Variants in CEP85L observed in about 807,000 individuals in gnomAD.
The protein encoded by CEP85L is centrosomal protein of 85 kDa-like.
A neutral mutation model predicts 100.3 loss-of-function variants in CEP85L; 60 were observed. That is an observed-to-expected ratio of 0.60 (90% CI 0.49 to 0.74). The LOEUF is 0.74. CEP85L is among the 30% of genes least tolerant of loss of function. The pLI, the probability that CEP85L is intolerant of heterozygous loss-of-function variation, is 0.00. For synonymous variants in CEP85L, 319 were observed against 322.7 expected (o/e 0.99, Z 0.12); for missense variants, 973 against 936.2 (o/e 1.04, Z -0.51).
rs373507992 is a variant in CEP85L at position 118,523,954 on chromosome 6, A to G, written c.1021-34T>C. 2.0e-5 allele frequency: 17 copies of G among 868,244 alleles called. No individual in the cohort carries two copies. The African/African-American group carries it at 2.8e-4, about 14-fold the overall frequency. The allele number at this position is 868,244 out of a possible 1,614,324, so 53.8% of individuals were successfully genotyped here. Reference sequence around the variant, plus strand: ...ACATGTTTACACAATTAGTATACTAAAATATTTAAAGAAAATATTTATATA... The same window carrying G: ...ACATGTTTACACAATTAGTATACTAGAATATTTAAAGAAAATATTTATATA... On this transcript the variant is annotated intron_variant, in intron 3 of 12. Transcript: ENST00000368491.
At chr6:118,637,895 A>T (rs896021661) in intron 1 of CEP85L, among the ~76,000 whole-genome samples, 1 of 152,094 alleles carries the variant, frequency 6.6e-6, no homozygotes, top group Non-Finnish European at 1.5e-5. Context: ...AAACACAAAT[A>T]AAAAATTCTG....
chr6:118,583,380 G>A (rs1301025075), intron 2 of CEP85L, among the ~76,000 whole-genome samples: 1 of 152,130 alleles, frequency 6.6e-6, no homozygotes, highest in African/African-American at 2.4e-5. Context: ...GGTGTATCAC[G>A]AAAAACTCTA....
chr6:118,511,707 G>A (rs1437692261), intron 4 of CEP85L, among the ~76,000 whole-genome samples: 1 of 152,118 alleles, frequency 6.6e-6, no homozygotes, highest in Non-Finnish European at 1.5e-5. Flanking sequence ...AGTTTTGAAG[G>A]AGAGAGCTTT....
At chr6:118,515,093 G>A (rs768738141) in intron 4 of CEP85L, among the ~76,000 whole-genome samples, 3 of 151,860 alleles carry the variant, frequency 2.0e-5, no homozygotes, top group South Asian at 2.1e-4. Context: ...ACAGATGTGC[G>A]CCAACTTGCC....
chr6:118,523,663 G>A, intron 4 of CEP85L, 139 bp downstream of exon 4: 2 of 469,650 alleles, frequency 4.3e-6, no homozygotes, highest in Non-Finnish European at 7.4e-6. Flanking sequence ...GATTGGGATT[G>A]AGGAGGGGCA....
chr6:118,548,967 T>C (rs1340598039), intron 3 of CEP85L, among the ~76,000 whole-genome samples: 1 of 151,974 alleles, frequency 6.6e-6, no homozygotes, highest in African/African-American at 2.4e-5. Context: ...TGAGGATGTT[T>C]CCCCTCTAAA....
Position 118,498,980 on chromosome 6 carries a change from G to C in CEP85L, c.1258-7115C>G, listed in dbSNP as rs553732689. 4.6e-5 allele frequency among the ~76,000 whole-genome samples: 7 copies of C among 152,294 alleles called. No homozygotes were observed. In the South Asian group the frequency reaches 1.5e-3, roughly 32 times the overall value. The stretch of plus-strand genomic sequence containing the variant: ...CAGCTGGGAAATCCCAAAATACCTG[G>C]AGATTAAACAACACACTTCTACATA... On this transcript the variant is annotated intron_variant, in intron 5 of 12. Coordinates refer to ENST00000368491, the MANE Select transcript of CEP85L (RefSeq NM_001042475.3).
At chr6:118,501,694 G>C (rs577980481) in intron 5 of CEP85L, 8 of 673,542 alleles carry the variant, frequency 1.2e-5, no homozygotes, top group Non-Finnish European at 2.2e-5. Flanking sequence ...TTTTTAGCCA[G>C]GAAAAAATTC....
At chr6:118,548,693 T>TA (rs1486675729) in intron 3 of CEP85L, among the ~76,000 whole-genome samples, 1 of 152,076 alleles carries the variant, frequency 6.6e-6, no homozygotes, top group Non-Finnish European at 1.5e-5. Context: ...TTCTGCCAAT[T>TA]AAAAAATCTT....
At chr6:118,474,493 C>T (rs542948039) in intron 10 of CEP85L, among the ~76,000 whole-genome samples, 1 of 152,318 alleles carries the variant, frequency 6.6e-6, no homozygotes, top group East Asian at 1.9e-4. Flanking sequence ...TCTTCTACCT[C>T]AATCCCCTTA....
At position 118,534,806 on chromosome 6, in the gene CEP85L, G is replaced by A. The variant is rs533556018; in HGVS notation, c.1021-10886C>T. 6.6e-5 allele frequency among the ~76,000 whole-genome samples: 10 copies of A among 152,108 alleles called. No homozygotes were observed. In the South Asian group the frequency reaches 2.1e-3, roughly 32 times the overall value. On this transcript the variant is annotated intron_variant, in intron 3 of 12. Transcript: ENST00000368491. ...AGGCCTAGGCAAGTGGATCCCTTGA[G>A]GCCAGGAGTTTGAGACCAGCCTAGC... is the stretch of plus-strand genomic sequence containing the variant.
chr6:118,528,647 T>C (rs530082519), intron 3 of CEP85L, among the ~76,000 whole-genome samples: 23 of 152,332 alleles, frequency 1.5e-4, no homozygotes, highest in African/African-American at 5.5e-4. Flanking sequence ...TACCAAACGC[T>C]GTAGGTTGAC....
intron 1 of CEP85L, among the ~76,000 whole-genome samples, chr6:118,697,927 T>C (rs1845967250): frequency 6.6e-6 from 1 of 152,188 alleles, no homozygotes; most frequent in Non-Finnish European, 1.5e-5. Context: ...CTGAAGAAGT[T>C]ATAGCTTTGC....
intron 3 of CEP85L, among the ~76,000 whole-genome samples, chr6:118,544,157 T>C (rs567346227): frequency 6.6e-6 from 1 of 152,332 alleles, no homozygotes; most frequent in Admixed American, 6.5e-5. Flanking sequence ...GGAGAAATAC[T>C]ACAATCATTA....
chr6:118,638,465 G>C (rs1774655333), intron 1 of CEP85L, among the ~76,000 whole-genome samples: 1 of 151,556 alleles, frequency 6.6e-6, no homozygotes, highest in Admixed American at 6.6e-5. Flanking sequence ...AATACAGGAA[G>C]AAGTACATGT....
chr6:118,701,344 T>G (rs905880303), intron 1 of CEP85L, among the ~76,000 whole-genome samples: 1 of 152,170 alleles, frequency 6.6e-6, no homozygotes, highest in Admixed American at 6.5e-5. Flanking sequence ...CACAGCACTA[T>G]TCACAATAGC....
At chr6:118,507,168 C>T (rs1251172128) in intron 5 of CEP85L, among the ~76,000 whole-genome samples, 1 of 152,160 alleles carries the variant, frequency 6.6e-6, no homozygotes, top group Non-Finnish European at 1.5e-5. Flanking sequence ...CTATTTTTCT[C>T]CTCTAAACAG....
chr6:118,592,356 A>G (rs1480734607), intron 2 of CEP85L, among the ~76,000 whole-genome samples: 3 of 145,690 alleles, frequency 2.1e-5, no homozygotes, highest in Admixed American at 6.8e-5. Flanking sequence ...TTTGATCAGT[A>G]AAAAGGAGAT....
At chr6:118,509,290 C>G (rs1582941096) in intron 5 of CEP85L, among the ~76,000 whole-genome samples, 1 of 151,906 alleles carries the variant, frequency 6.6e-6, no homozygotes, top group Admixed American at 6.6e-5. Context: ...ATAATTAAAG[C>G]CTTTATTCCG....
Sources: allele counts gnomAD v4.1 joint callset (sites outside exome capture counted in the v4.1 genomes callset), GRCh38; gene constraint gnomAD v4.1.1; transcripts MANE v1.5; gene names NCBI Gene and HGNC (gene_info 2026-07-23, HGNC 2026-07-21).